Variants in KLRD1 observed in about 807,000 individuals in gnomAD.
KLRD1 encodes natural killer cells antigen CD94.
In KLRD1, 21 loss-of-function variants were observed where a neutral mutation model predicts 22.6. The ratio of observed to expected loss-of-function variants is 0.93; its 90% CI spans 0.66 to 1.34. The LOEUF is 1.34. Among genes scored for constraint, KLRD1 ranks in the 40% most tolerant of loss-of-function variants. The probability of loss-of-function intolerance (pLI) is 0.00; values close to 1 mark genes in which losing one functional copy is unlikely to be tolerated. For missense variants in KLRD1, 183 were observed against 208.6 expected, an observed-to-expected ratio of 0.88 and a Z score of 0.76; for synonymous variants, 59 against 71.1, an observed-to-expected ratio of 0.83 and a Z score of 0.85.
chr12:10,266,834 G>T, intron 1 of KLRD1, among the ~76,000 whole-genome samples: 1 of 145,642 alleles, frequency 6.9e-6, no homozygotes, highest in African/African-American at 2.5e-5. Flanking sequence ...CTTTATAAAA[G>T]TGTCATGTGA....
chr12:10,243,598 G>A (rs1328855524), intron 1 of KLRD1, among the ~76,000 whole-genome samples: 3 of 84,322 alleles, frequency 3.6e-5, no homozygotes, highest in Non-Finnish European at 6.0e-5. Context: ...GGGCAACAGA[G>A]TGAGACTCCA....
Position 10,270,777 on chromosome 12 carries a change from C to T in KLRD1, c.-100-37201C>T, listed in dbSNP as rs923786482. Among the ~76,000 whole-genome samples, 5 of 121,984 alleles carry T rather than the reference C, an allele frequency of 4.1e-5. No individual in the cohort carries two copies. The East Asian group carries it at 1.3e-3, about 32-fold the overall frequency. The allele number at this position is 121,984 out of a possible 152,430, so 80.0% of individuals were successfully genotyped here. ...CCTACTGTGGGTTTAGTTCATTTCC[C>T]TCCCGTAATTTTTTTTTTTTTTTTG... On this transcript the variant is annotated intron_variant, in intron 1 of 5. Transcript: ENST00000544747.
intron 1 of KLRD1, among the ~76,000 whole-genome samples, chr12:10,239,456 T>TCCTC (rs1949215460): frequency 3.0e-5 from 1 of 33,558 alleles, no homozygotes; most frequent in African/African-American, 1.0e-4. Context: ...CTTCCTTCCT[T>TCCTC]CCTTCCTTCC....
chr12:10,249,170 T>TG (rs1009238594), intron 1 of KLRD1, among the ~76,000 whole-genome samples: 1 of 152,000 alleles, frequency 6.6e-6, no homozygotes, highest in African/African-American at 2.4e-5. Context: ...AGCCAACCGG[T>TG]GGGGGAGATT....
At chr12:10,279,754 C>T (rs1949623737) in intron 1 of KLRD1, among the ~76,000 whole-genome samples, 2 of 152,124 alleles carry the variant, frequency 1.3e-5, no homozygotes, top group Non-Finnish European at 1.5e-5. Flanking sequence ...ATTTTTCCTG[C>T]CTCATGTTAT....
At chr12:10,303,560 G>T (rs73251088), upstream of KLRD1, among the ~76,000 whole-genome samples, 1 of 152,226 alleles carries the variant, frequency 6.6e-6, no homozygotes, top group South Asian at 2.1e-4. Flanking sequence ...CTTTACAGAT[G>T]TAATTTTCCT....
rs1317819829 is a variant in KLRD1 at position 10,293,364 on chromosome 12, C to T, written c.-100-14614C>T. The stretch of plus-strand genomic sequence containing the variant: ...TTAAAGTAAGAGATGTGTGACTCTT[C>T]CTTTCACTTTTACTCTTAGAGGTCA... On this transcript the variant is annotated intron_variant, in intron 1 of 5. Coordinates refer to the KLRD1 transcript ENST00000544747. Among the ~76,000 whole-genome samples the T allele has an allele frequency of 2.0e-5, 3 of 150,978 alleles. No individual in the cohort carries two copies. In the Admixed American group the frequency reaches 2.0e-4, roughly 10 times the overall value.
chr12:10,312,671 C>G (rs968995691), intron 4 of KLRD1, among the ~76,000 whole-genome samples: 3 of 150,820 alleles, frequency 2.0e-5, no homozygotes, highest in Non-Finnish European at 4.4e-5. Context: ...AGCCACCGTG[C>G]CCGGCCCCTA....
rs895406497 is a variant in KLRD1 at position 10,321,898 on chromosome 12, C to G, written c.*7105C>G. ...CTCATGAGGGATCCTGAGCTAGAAC[C>G]ACCTAGCACAGTTGCTCTTGATTTC... On this transcript the variant is annotated 3_prime_UTR_variant, in exon 6 of 6. Coordinates refer to ENST00000336164, the MANE Select transcript of KLRD1 (RefSeq NM_002262.5). 3 of 152,178 alleles carry G rather than the reference C, an allele frequency of 2.0e-5. No individual in the cohort carries two copies. Among genetic ancestry groups the G allele is most frequent in the African/African-American group, 7.2e-5 (3 of 41,432 alleles). 9.4% of individuals were successfully genotyped at this position (152,178 alleles called of 1,614,324 possible).
At chr12:10,283,360 G>C (rs1386751246) in intron 1 of KLRD1, among the ~76,000 whole-genome samples, 1 of 152,208 alleles carries the variant, frequency 6.6e-6, no homozygotes, top group African/African-American at 2.4e-5. Context: ...GAGCAGAATA[G>C]TGGTTACCAG....
At chr12:10,274,211 C>G (rs937506825) in intron 1 of KLRD1, among the ~76,000 whole-genome samples, 6 of 151,994 alleles carry the variant, frequency 3.9e-5, no homozygotes, top group Admixed American at 6.6e-5. Context: ...ACCCGGGAGG[C>G]AGAGGTTGTA....
chr12:10,316,894 A>G lies in KLRD1; in HGVS notation c.*2101A>G, dbSNP rs1313704081. ...ACCCATCATCTAGGTTTTAAGTCCC[A>G]CATGCATTAGGTATTTGTCCTAATG... On this transcript the variant is annotated 3_prime_UTR_variant, in exon 6 of 6. Coordinates refer to ENST00000336164, the MANE Select transcript of KLRD1 (RefSeq NM_002262.5). 6.6e-6 allele frequency: 1 copy of G among 152,128 alleles called. No homozygotes were observed. The highest frequency in any genetic ancestry group is 1.5e-5 in the Non-Finnish European group (1 of 68,046). 9.4% of individuals were successfully genotyped at this position (152,128 alleles called of 1,614,324 possible).
intron 2 of KLRD1, 39 bp downstream of exon 2, chr12:10,309,519 T>A (rs910556761): frequency 1.1e-5 from 15 of 1,304,534 alleles, no homozygotes; most frequent in Non-Finnish European, 1.7e-5. Flanking sequence ...AAATCAAAAC[T>A]GTGAAGACAT....
In KLRD1 at chr12:10,311,608, A is replaced by G; in HGVS notation, c.308A>G (p.Asp103Gly). 6.2e-7 allele frequency: 1 copy of G among 1,614,058 alleles called. No individual in the cohort carries two copies. The highest frequency in any genetic ancestry group is 8.5e-7 in the Non-Finnish European group (1 of 1,179,932). ...KSSLLQLQNTDELDFMSSSQQ... is the reference protein window; with the variant it reads ...KSSLLQLQNTGELDFMSSSQQ... ...AGCCTGCTTCAGCTTCAAAACACAG[A>G]TGAACTGGCATGTGCTGAGTCTGAT... The change falls in exon 4 of 6, where the codon GAT becomes GGT. Residue 103 changes from aspartate to glycine, a missense_variant. Physicochemically the swap from Asp to Gly is moderately conservative, Grantham distance 94. Coordinates refer to ENST00000336164, the MANE Select transcript of KLRD1 (RefSeq NM_002262.5).
upstream of KLRD1, among the ~76,000 whole-genome samples, chr12:10,305,599 C>CA (rs1256814132): frequency 2.0e-5 from 3 of 152,128 alleles, no homozygotes. Context: ...GACTGTATAG[C>CA]AAATCACAAG....
At chr12:10,270,181 C>T (rs1053712434) in intron 1 of KLRD1, among the ~76,000 whole-genome samples, 12 of 152,012 alleles carry the variant, frequency 7.9e-5, no homozygotes, top group African/African-American at 1.4e-4. Context: ...ATGAGGACAC[C>T]GGGGCCTATG....
In KLRD1 at chr12:10,322,292, C is replaced by G. The variant is rs548401964; in HGVS notation, c.*7499C>G. ...CAACTCCTGGCCTCAAGTGATCCAC[C>G]TGCCTCGGCCTCCTGAAGTGCTGGG... is the stretch of plus-strand genomic sequence containing the variant. On this transcript the variant is annotated 3_prime_UTR_variant, in exon 6 of 6. Coordinates refer to ENST00000336164, the MANE Select transcript of KLRD1 (RefSeq NM_002262.5). 14 of 152,278 alleles carry G rather than the reference C, an allele frequency of 9.2e-5. No homozygotes were observed. The highest frequency in any genetic ancestry group is 1.6e-4 in the Non-Finnish European group (11 of 68,108). 9.4% of individuals were successfully genotyped at this position (152,278 alleles called of 1,614,324 possible).
At chr12:10,309,765 C>A in intron 3 of KLRD1, 77 bp downstream of exon 3, 3 of 984,498 alleles carry the variant, frequency 3.0e-6, no homozygotes, top group Non-Finnish European at 4.8e-6. Flanking sequence ...CACAGAGAGG[C>A]ATGATGGAAT....
At chr12:10,248,738 C>T (rs1480805202) in intron 1 of KLRD1, among the ~76,000 whole-genome samples, 1 of 151,590 alleles carries the variant, frequency 6.6e-6, no homozygotes, top group African/African-American at 2.4e-5. Context: ...GCTGGGATTA[C>T]AGGTGCCCGC....
Sources: gnomAD v4.1 joint callset for allele counts (sites outside exome capture counted in the v4.1 genomes callset) on GRCh38, gnomAD v4.1.1 for gene constraint, MANE v1.5 for transcripts, NCBI Gene and HGNC (gene_info 2026-07-23, HGNC 2026-07-21) for gene names.